PPFIBP1: variants seen among roughly 807,000 people sequenced by gnomAD.
PPFIBP1 encodes the protein liprin-beta-1.
A neutral mutation model predicts 137.8 loss-of-function variants in PPFIBP1; 112 were observed. The observed-to-expected ratio is 0.81, with a 90% confidence interval of 0.70 to 0.95. PPFIBP1 has a LOEUF of 0.95. PPFIBP1 is among the 40% of genes least tolerant of loss of function. PPFIBP1 has a pLI of 0.00. For missense variants in PPFIBP1, 1,083 were observed against 1,196.6 expected, an observed-to-expected ratio of 0.91 and a Z score of 1.40; for synonymous variants, 378 against 417.3, an observed-to-expected ratio of 0.91 and a Z score of 1.15.
chr12:27,660,768 A>G lies in PPFIBP1; in HGVS notation c.845-116A>G, dbSNP rs546525460. 300 of 1,427,158 alleles carry G rather than the reference A, an allele frequency of 2.1e-4. 4 individuals are homozygous for G. The South Asian group carries it at 4.3e-3, about 20-fold the overall frequency. 88.4% of individuals were successfully genotyped at this position (1,427,158 alleles called of 1,614,324 possible). On this transcript the variant is annotated intron_variant, in intron 10 of 29. Transcript: ENST00000228425. ...TAAATGTGCCCTTTTTAAAGAATAA[A>G]TGAAAGAAATCATTAACATCTTTAC...
At chr12:27,677,136 C>T in intron 19 of PPFIBP1, 40 bp downstream of exon 19, 1 of 1,611,756 alleles carries the variant, frequency 6.2e-7, no homozygotes, top group African/African-American at 1.3e-5. Flanking sequence ...CAGCACTGTG[C>T]TCCAAACCAA....
chr12:27,581,227 C>T (rs1029216266), intron 2 of PPFIBP1, among the ~76,000 whole-genome samples: 2 of 152,182 alleles, frequency 1.3e-5, no homozygotes, highest in Non-Finnish European at 2.9e-5. Context: ...TGGCAGGTGG[C>T]ACGTATATGA....
intron 4 of PPFIBP1, among the ~76,000 whole-genome samples, chr12:27,643,514 T>C (rs10752704): frequency 0.77 from 91,168 of 118,974 alleles, 37,251 homozygotes; most frequent in East Asian, 0.87. Context: ...GACCAAGCCC[T>C]GATAGAGGTG....
At chr12:27,616,898 A>G (rs1008289637) in intron 2 of PPFIBP1, among the ~76,000 whole-genome samples, 1 of 152,176 alleles carries the variant, frequency 6.6e-6, no homozygotes, top group African/African-American at 2.4e-5. Flanking sequence ...AGAGACAGCC[A>G]TTATGAGAAA....
intron 11 of PPFIBP1, 38 bp downstream of exon 11, chr12:27,660,983 T>A: frequency 6.2e-7 from 1 of 1,605,748 alleles, no homozygotes; most frequent in East Asian, 2.2e-5. Flanking sequence ...GTGGATGTTT[T>A]TTAACACCAT....
intron 2 of PPFIBP1, chr12:27,599,452 C>T (rs565335886): frequency 8.8e-6 from 4 of 455,748 alleles, no homozygotes; most frequent in Non-Finnish European, 1.8e-5. Context: ...GTTAGCAGAT[C>T]TTGGGACTTC....
At chr12:27,591,646 G>A (rs1168826011) in intron 2 of PPFIBP1, among the ~76,000 whole-genome samples, 1 of 152,154 alleles carries the variant, frequency 6.6e-6, no homozygotes, top group East Asian at 1.9e-4. Context: ...TATTTATCAA[G>A]TGCTTGTGTT....
intron 7 of PPFIBP1, 81 bp downstream of exon 7, chr12:27,650,222 C>A: frequency 7.9e-7 from 1 of 1,268,050 alleles, no homozygotes; most frequent in Non-Finnish European, 1.1e-6. Flanking sequence ...ATTCCTAGGG[C>A]AAAGTTGAAA....
At chr12:27,540,365 A>G (rs1422251432) in intron 1 of PPFIBP1, among the ~76,000 whole-genome samples, 1 of 152,068 alleles carries the variant, frequency 6.6e-6, no homozygotes, top group Non-Finnish European at 1.5e-5. Context: ...CGAGAAAGCC[A>G]TCCCAAAGAC....
At chr12:27,561,617 G>T (rs1358711868) in intron 1 of PPFIBP1, among the ~76,000 whole-genome samples, 1 of 152,110 alleles carries the variant, frequency 6.6e-6, no homozygotes, top group Admixed American at 6.5e-5. Context: ...AGTTATGCAT[G>T]GTCTCTCCTC....
At chr12:27,603,488 G>A (rs1328155470) in intron 2 of PPFIBP1, among the ~76,000 whole-genome samples, 3 of 152,134 alleles carry the variant, frequency 2.0e-5, no homozygotes, top group African/African-American at 7.2e-5. Context: ...TCAAAATCAT[G>A]TGTGCACACA....
At chr12:27,562,633 A>C (rs1284208892) in intron 1 of PPFIBP1, among the ~76,000 whole-genome samples, 1 of 152,168 alleles carries the variant, frequency 6.6e-6, no homozygotes, top group African/African-American at 2.4e-5. Flanking sequence ...ATTACTACTA[A>C]GTCACTCTTT....
chr12:27,592,541 G>A (rs2052644736), intron 2 of PPFIBP1: 2 of 1,271,336 alleles, frequency 1.6e-6, no homozygotes, highest in African/African-American at 2.9e-5. Context: ...GGTGCTGGCT[G>A]ACGGGGACTC....
intron 19 of PPFIBP1, chr12:27,677,747 A>G (rs2060616593): frequency 6.6e-6 from 1 of 152,356 alleles, no homozygotes; most frequent in Non-Finnish European, 1.5e-5. Context: ...AAAATAAAAA[A>G]GAGAAATATG....
intron 1 of PPFIBP1, among the ~76,000 whole-genome samples, chr12:27,560,528 GGCT>G (rs1441432132): frequency 4.0e-4 from 61 of 152,306 alleles, no homozygotes; most frequent in African/African-American, 1.3e-3. Flanking sequence ...GGCATATTTT[GGCT>G]GTTCCTCAAA....
At chr12:27,614,906 C>G (rs1354785405) in intron 2 of PPFIBP1, among the ~76,000 whole-genome samples, 1 of 152,124 alleles carries the variant, frequency 6.6e-6, no homozygotes, top group African/African-American at 2.4e-5. Flanking sequence ...CAGAAAAATT[C>G]CATGCTAACT....
intron 2 of PPFIBP1, among the ~76,000 whole-genome samples, chr12:27,595,884 A>AACAACC (rs1372079287): frequency 1.8e-5 from 1 of 55,606 alleles, no homozygotes; most frequent in African/African-American, 4.6e-5. Context: ...CAACAACAAC[A>AACAACC]AAATATATAT....
chr12:27,584,591 C>T (rs1410493219), intron 2 of PPFIBP1, among the ~76,000 whole-genome samples: 1 of 152,124 alleles, frequency 6.6e-6, no homozygotes, highest in African/African-American at 2.4e-5. Flanking sequence ...ATTATTGTGG[C>T]CGGAAACTTT....
intron 1 of PPFIBP1, among the ~76,000 whole-genome samples, chr12:27,546,878 G>T (rs1946287430): frequency 6.6e-6 from 1 of 152,066 alleles, no homozygotes; most frequent in African/African-American, 2.4e-5. Context: ...GGCCAGGCAT[G>T]GTTGTCCCAG....
Sources: gnomAD v4.1 joint callset for allele counts (sites outside exome capture counted in the v4.1 genomes callset) on GRCh38, gnomAD v4.1.1 for gene constraint, MANE v1.5 for transcripts, NCBI Gene and HGNC (gene_info 2026-07-23, HGNC 2026-07-21) for gene names.